Variants in EPHX2 observed in about 807,000 individuals in gnomAD.
EPHX2 encodes epoxide hydrolase 2.
EPHX2 carries 74 observed loss-of-function variants against 78.7 expected under a neutral mutation model. The ratio of observed to expected loss-of-function variants is 0.94; its 90% CI spans 0.78 to 1.14. EPHX2 has a LOEUF of 1.14. EPHX2 is among the 50% of genes most tolerant of loss of function. The pLI is 0.00. For missense variants in EPHX2, 715 were observed against 702.5 expected, an observed-to-expected ratio of 1.02 and a Z score of -0.20; for synonymous variants, 251 against 255.2, an observed-to-expected ratio of 0.98 and a Z score of 0.16.
chr8:27,525,777 C>T (rs1042618541), intron 12 of EPHX2, among the ~76,000 whole-genome samples: 6 of 152,180 alleles, frequency 3.9e-5, no homozygotes, highest in Non-Finnish European at 7.3e-5. Flanking sequence ...AGAGCTGCCC[C>T]TCCTCATTCT....
intron 18 of EPHX2, 94 bp downstream of exon 18, chr8:27,544,338 C>T: frequency 6.3e-7 from 1 of 1,593,998 alleles, no homozygotes; most frequent in Non-Finnish European, 8.6e-7. Flanking sequence ...CTGGCTTTGG[C>T]CTGGCTTAGC....
intron 2 of EPHX2, among the ~76,000 whole-genome samples, chr8:27,501,324 T>TTTCTTCTTCTTCTTCTTTC (rs1813762953): frequency 2.9e-5 from 3 of 102,914 alleles, no homozygotes; most frequent in African/African-American, 1.1e-4. Context: ...TGCTATATAT[T>TTTCTTCTTCTTCTTCTTTC]TTCTTCTTCT....
At chr8:27,502,665 G>C (rs1174249892) in intron 2 of EPHX2, among the ~76,000 whole-genome samples, 2 of 151,786 alleles carry the variant, frequency 1.3e-5, no homozygotes, top group Non-Finnish European at 2.9e-5. Flanking sequence ...AGAGAGACAG[G>C]GGAAAAAAAG....
At chr8:27,515,892 G>T (rs147507357) in intron 7 of EPHX2, 79 bp downstream of exon 7, 1 of 1,262,896 alleles carries the variant, frequency 7.9e-7, no homozygotes, top group Non-Finnish European at 1.1e-6. Flanking sequence ...GTGGACTGTC[G>T]TGAGGAAGCT....
At chr8:27,491,480 T>C (rs1348682526) in intron 1 of EPHX2, among the ~76,000 whole-genome samples, 171 bp downstream of exon 1, 2 of 152,228 alleles carry the variant, frequency 1.3e-5, no homozygotes, top group African/African-American at 4.8e-5. Flanking sequence ...GGAGATCCGT[T>C]GTCTTTCTAA....
At chr8:27,501,482 C>T (rs892283914) in intron 2 of EPHX2, among the ~76,000 whole-genome samples, 9 of 151,794 alleles carry the variant, frequency 5.9e-5, no homozygotes, top group Admixed American at 5.9e-4. Flanking sequence ...TGGCTCACTG[C>T]AGCCTTTACC....
chr8:27,502,970 C>A (rs532217028), intron 2 of EPHX2, among the ~76,000 whole-genome samples: 2 of 152,142 alleles, frequency 1.3e-5, no homozygotes, highest in South Asian at 4.2e-4. Flanking sequence ...AGTGTTTGTG[C>A]CCCCCGCCCA....
In EPHX2 at chr8:27,503,660, C is replaced by A; in HGVS notation, c.243C>A (p.Cys81Ter). The A allele has an allele frequency of 6.2e-7, 1 of 1,613,904 alleles. No individual in the cohort carries two copies. Among genetic ancestry groups the A allele is most frequent in the Non-Finnish European group, 8.5e-7 (1 of 1,179,946 alleles). The change falls in exon 3 of 19, where the codon TGC (cysteine) becomes TGA (stop). Residue 81 changes from cysteine to a stop codon, truncating the protein, a stop_gained. Transcript: ENST00000521400. LOFTEE classifies it high-confidence loss of function. ...CRKCSETAKV[C>*]LPKNFSIKEI... is the part of the protein sequence containing the mutation. The stretch of plus-strand genomic sequence containing the variant: ...AGTGCTCCGAGACCGCTAAAGTCTG[C>A]CTCCCCAAGAATTTCTCCATAAAAG...
chr8:27,530,762 C>CTTTTTTTTTTT (rs11343503), intron 12 of EPHX2, among the ~76,000 whole-genome samples: 1 of 127,356 alleles, frequency 7.9e-6, no homozygotes, highest in Non-Finnish European at 1.6e-5. Flanking sequence ...TAATTTTTTT[C>CTTTTTTTTTTT]TTTTTTTTTT....
chr8:27,507,647 G>A (rs1329203028), intron 5 of EPHX2, among the ~76,000 whole-genome samples: 1 of 152,196 alleles, frequency 6.6e-6, no homozygotes, highest in East Asian at 1.9e-4. Flanking sequence ...ACATGTCCAA[G>A]GATGCACAGC....
At chr8:27,512,168 A>G (rs1455997535) in intron 6 of EPHX2, 9 of 441,428 alleles carry the variant, frequency 2.0e-5, no homozygotes, top group Admixed American at 1.1e-4. Flanking sequence ...AACATCCACT[A>G]TTTATAAGGA....
In EPHX2 at chr8:27,534,705, G is replaced by A. The variant is rs150924749; in HGVS notation, c.1171-2079G>A. Among the ~76,000 whole-genome samples the A allele has an allele frequency of 5.3e-5, 8 of 152,266 alleles. No homozygotes were observed. The East Asian group carries it at 1.5e-3, about 29-fold the overall frequency. On this transcript the variant is annotated intron_variant, in intron 12 of 18. Coordinates refer to ENST00000521400, the MANE Select transcript of EPHX2 (RefSeq NM_001979.6). Reference sequence around the variant, plus strand: ...GTGCAAGCACTGAGGACTGCAGGTCGCTGGAACGAAAGCTTTGTGGATGTG... The same window carrying A: ...GTGCAAGCACTGAGGACTGCAGGTCACTGGAACGAAAGCTTTGTGGATGTG...
chr8:27,514,042 G>T (rs1814351664), intron 6 of EPHX2, among the ~76,000 whole-genome samples: 1 of 152,202 alleles, frequency 6.6e-6, no homozygotes, highest in African/African-American at 2.4e-5. Flanking sequence ...GTGGGGCCAG[G>T]TGTGGTGGCT....
chr8:27,516,443 T>C, intron 8 of EPHX2, 45 bp downstream of exon 8: 1 of 1,581,360 alleles, frequency 6.3e-7, no homozygotes, highest in Non-Finnish European at 8.7e-7. Context: ...TCTTGCCTTC[T>C]ACCTGCCTGA....
intron 7 of EPHX2, 42 bp downstream of exon 7, chr8:27,515,855 G>T (rs775103173): frequency 3.8e-6 from 6 of 1,564,586 alleles, no homozygotes; most frequent in Non-Finnish European, 5.3e-6. Flanking sequence ...GGGTGAGGTT[G>T]GGGGAGTCTA....
intron 14 of EPHX2, 87 bp downstream of exon 14, chr8:27,538,779 C>T (rs2132796295): frequency 1.4e-6 from 2 of 1,455,654 alleles, no homozygotes; most frequent in Middle Eastern, 1.7e-4. Flanking sequence ...GGGCAGAAGC[C>T]CTGAGCTCTC....
chr8:27,512,631 T>C (rs1814294264), intron 6 of EPHX2, among the ~76,000 whole-genome samples: 1 of 152,220 alleles, frequency 6.6e-6, no homozygotes, highest in Non-Finnish European at 1.5e-5. Context: ...GGATTCACTT[T>C]GGGATCTTTC....
chr8:27,542,728 G>A (rs1275807899), intron 16 of EPHX2, among the ~76,000 whole-genome samples: 1 of 152,018 alleles, frequency 6.6e-6, no homozygotes, highest in Non-Finnish European at 1.5e-5. Context: ...TGCAACCTCT[G>A]CCCCCTGGGT....
chr8:27,522,306 C>A, intron 10 of EPHX2, 117 bp from the exon 11 acceptor site: 2 of 839,272 alleles, frequency 2.4e-6, no homozygotes, highest in Non-Finnish European at 3.8e-6. Context: ...ATTTGGAGAG[C>A]TGCTGTGGGT....
Sources: gnomAD v4.1 joint callset for allele counts (sites outside exome capture counted in the v4.1 genomes callset) on GRCh38, gnomAD v4.1.1 for gene constraint, MANE v1.5 for transcripts, NCBI Gene and HGNC (gene_info 2026-07-23, HGNC 2026-07-21) for gene names.